The following ZBTB40 variants were observed in gnomAD, a reference collection of about 807,000 sequenced individuals.
The protein encoded by ZBTB40 is zinc finger and BTB domain-containing protein 40.
ZBTB40 carries 60 observed loss-of-function variants against 117.5 expected under a neutral mutation model. That is an observed-to-expected ratio of 0.51 (90% confidence interval 0.41 to 0.63). The LOEUF is 0.63. ZBTB40 is among the 30% of genes least tolerant of loss of function. The pLI, the probability that ZBTB40 is intolerant of heterozygous loss-of-function variation, is 0.00. For synonymous variants in ZBTB40, 525 were observed against 577.1 expected (o/e 0.91, Z 1.29); for missense variants, 1,287 against 1,498.5 (o/e 0.86, Z 2.33).
intron 3 of ZBTB40, among the ~76,000 whole-genome samples, chr1:22,498,205 G>T (rs12047570): frequency 0.34 from 51,096 of 152,036 alleles, 9,902 homozygotes; most frequent in African/African-American, 0.5. Context: ...CTTTACCCCT[G>T]AGAATTAAGA....
In ZBTB40 at chr1:22,513,247, G is replaced by C; in HGVS notation, c.2668+117G>C. The C allele has an allele frequency of 9.1e-7, 1 of 1,094,768 alleles. No homozygotes were observed. Among genetic ancestry groups the C allele is most frequent in the Non-Finnish European group, 1.3e-6 (1 of 743,804 alleles). The allele number at this position is 1,094,768 out of a possible 1,614,324, so 67.8% of individuals were successfully genotyped here. On this transcript the variant is annotated intron_variant, in intron 12 of 17. Coordinates refer to ENST00000375647, the MANE Select transcript of ZBTB40 (RefSeq NM_014870.4). The surrounding 1 kb of genome is among the most constrained non-coding windows in gnomAD (Gnocchi z 4.9). ...CAAAACAATTTGATAGCACAACAGG[G>C]TGACTAAAGTCAATAATAACTTAAT...
At chr1:22,524,971 G>T (rs915834461) in intron 17 of ZBTB40, among the ~76,000 whole-genome samples, 1 of 152,214 alleles carries the variant, frequency 6.6e-6, no homozygotes, top group Admixed American at 6.5e-5. Context: ...TCTCCAGAGA[G>T]GGTGGGCAGA....
Position 22,526,439 on chromosome 1 carries a change from G to A in ZBTB40, c.*43G>A, listed in dbSNP as rs772401734. 2 of 1,611,502 alleles carry A rather than the reference G, an allele frequency of 1.2e-6. No individual in the cohort carries two copies. Among genetic ancestry groups the A allele is most frequent in the Admixed American group, 3.3e-5 (2 of 60,024 alleles). ...AGAGCCTTCCTGCGTTTGCAGCAGA[G>A]AGGAGGCCCCACAGCTTGCCCTTTG... On this transcript the variant is annotated 3_prime_UTR_variant, in exon 18 of 18. Transcript: ENST00000375647.
In ZBTB40 at chr1:22,520,142, T is replaced by C; in HGVS notation, c.2915T>C (p.Val972Ala). 1 of 1,614,170 alleles carries C rather than the reference T, an allele frequency of 6.2e-7. No individual in the cohort carries two copies. Among genetic ancestry groups the C allele is most frequent in the Non-Finnish European group, 8.5e-7 (1 of 1,180,018 alleles). ...LQDHRKHIHEVHSKEYHPCPT... is the reference protein window; with the variant it reads ...LQDHRKHIHEAHSKEYHPCPT... ...GATCACCGGAAGCACATCCATGAGGTGCACTCCAAAGAGTACCACCCCTGC... is the reference window on the plus strand; with the variant it reads ...GATCACCGGAAGCACATCCATGAGGCGCACTCCAAAGAGTACCACCCCTGC... Residue 972 changes from valine to alanine, a missense_variant, in exon 14 of 18, where the codon GTG (valine) becomes GCG (alanine). Physicochemically the swap from Val to Ala is moderately conservative, Grantham distance 64 (BLOSUM62 0). This residue lies in a region of ZBTB40 where 417 missense variants were observed against 564.1 expected (regional missense o/e 0.74). Coordinates refer to ENST00000375647, the MANE Select transcript of ZBTB40 (RefSeq NM_014870.4).
At chr1:22,521,735 A>C in intron 15 of ZBTB40, 77 bp downstream of exon 15, 1 of 1,590,912 alleles carries the variant, frequency 6.3e-7, no homozygotes, top group Non-Finnish European at 8.6e-7. Flanking sequence ...AGAAATCCCC[A>C]CTTCTAATAG....
intron 1 of ZBTB40, among the ~76,000 whole-genome samples, chr1:22,464,773 T>G (rs989406691): frequency 2.0e-5 from 3 of 152,252 alleles, no homozygotes; most frequent in Non-Finnish European, 2.9e-5. Flanking sequence ...ATTGGAATTA[T>G]ACACGTATTC....
intron 8 of ZBTB40, 59 bp from the exon 9 acceptor site, chr1:22,509,041 G>T: frequency 6.2e-7 from 1 of 1,613,526 alleles, no homozygotes. Flanking sequence ...GAGGAAGGGT[G>T]TAGGAAAAAA....
At chr1:22,460,876 C>G (rs144753569) in intron 1 of ZBTB40, among the ~76,000 whole-genome samples, 3 of 152,292 alleles carry the variant, frequency 2.0e-5, no homozygotes, top group African/African-American at 7.2e-5. Context: ...AATTCACACC[C>G]AGATACTTCC....
rs1639719112 is a variant in ZBTB40 at position 22,527,701 on chromosome 1, G to T, written c.*1305G>T. ...TGGATCCCACACTGGCAGAGATGGGGCCACCCCTTCCTTCCAGGCACATCT... is the reference window on the plus strand; with the variant it reads ...TGGATCCCACACTGGCAGAGATGGGTCCACCCCTTCCTTCCAGGCACATCT... On this transcript the variant is annotated 3_prime_UTR_variant, in exon 18 of 18. Coordinates refer to ENST00000375647, the MANE Select transcript of ZBTB40 (RefSeq NM_014870.4). 1.3e-5 allele frequency: 2 copies of T among 152,522 alleles called. No individual in the cohort carries two copies. The highest frequency in any genetic ancestry group is 3.8e-4 in the East Asian group (2 of 5,294). 9.4% of individuals were successfully genotyped at this position (152,522 alleles called of 1,614,324 possible).
intron 1 of ZBTB40, among the ~76,000 whole-genome samples, chr1:22,458,081 C>T (rs1361374093): frequency 6.6e-6 from 1 of 152,216 alleles, no homozygotes; most frequent in Non-Finnish European, 1.5e-5. Flanking sequence ...AGTTAGGCTA[C>T]AGGACTGTTG....
At chr1:22,450,082 T>C (rs777544738), upstream of ZBTB40, among the ~76,000 whole-genome samples, 1 of 152,134 alleles carries the variant, frequency 6.6e-6, no homozygotes, top group Non-Finnish European at 1.5e-5. Flanking sequence ...TAACTGGGAT[T>C]ACAGGCACCT....
In ZBTB40 at chr1:22,521,550, G is replaced by A. The variant is rs1557525396; in HGVS notation, c.3103G>A (p.Ala1035Thr). The change falls in exon 15 of 18, where the codon GCT (alanine) becomes ACT (threonine). Residue 1035 changes from alanine (A) to threonine (T), a missense_variant. By Grantham distance (58) the Ala-to-Thr change is moderately conservative. This residue lies in a region of ZBTB40 where 417 missense variants were observed against 564.1 expected (regional missense o/e 0.74). Coordinates refer to ENST00000375647, the MANE Select transcript of ZBTB40 (RefSeq NM_014870.4). ...AACCCACCACCCTGACGTATTTGCT[G>A]CTCAGAACCACCGATCTTCCAAGTT... ...NRTHHPDVFA[A>T]QNHRSSKFSS... 1 of 1,614,170 alleles carries A rather than the reference G, an allele frequency of 6.2e-7. No individual in the cohort carries two copies. Among genetic ancestry groups the A allele is most frequent in the Non-Finnish European group, 8.5e-7 (1 of 1,180,036 alleles).
At chr1:22,472,878 G>A (rs1641445051) in intron 1 of ZBTB40, among the ~76,000 whole-genome samples, 1 of 152,166 alleles carries the variant, frequency 6.6e-6, no homozygotes, top group South Asian at 2.1e-4. Flanking sequence ...ATAGGCTGCT[G>A]GAATGCATTC....
chr1:22,513,050 C>T lies in ZBTB40; in HGVS notation c.2588C>T (p.Pro863Leu), dbSNP rs776218388. ...CTTCGCCTTCACACCGGGGACCGCC[C>T]GTTCATGTGCAAGCACTGCCTCATG... is the stretch of plus-strand genomic sequence containing the variant. ...NHLRLHTGDR[P>L]FMCKHCLMTF... is the part of the protein sequence containing the mutation. Residue 863 changes from proline (P) to leucine (L), a missense_variant, in exon 12 of 18, where the codon CCG (proline) becomes CTG (leucine). Coordinates refer to ENST00000375647, the MANE Select transcript of ZBTB40 (RefSeq NM_014870.4). The surrounding 1 kb of genome is among the most constrained non-coding windows in gnomAD (Gnocchi z 4.9). The T allele has an allele frequency of 2.5e-6, 4 of 1,614,182 alleles. No homozygotes were observed. Among genetic ancestry groups the T allele is most frequent in the South Asian group, 2.2e-5 (2 of 91,074 alleles).
chr1:22,486,455 C>T (rs558181554), intron 1 of ZBTB40, among the ~76,000 whole-genome samples: 26 of 152,310 alleles, frequency 1.7e-4, no homozygotes, highest in Admixed American at 1.4e-3. Context: ...AAACAGAGTG[C>T]TCTGGCAGAT....
chr1:22,486,464 A>G (rs926379109), intron 1 of ZBTB40, among the ~76,000 whole-genome samples: 1 of 152,216 alleles, frequency 6.6e-6, no homozygotes. Flanking sequence ...GCTCTGGCAG[A>G]TTTCAAAATG....
At chr1:22,470,786 C>T (rs1053080415) in intron 1 of ZBTB40, among the ~76,000 whole-genome samples, 3 of 152,322 alleles carry the variant, frequency 2.0e-5, no homozygotes, top group East Asian at 3.9e-4. Flanking sequence ...GTGCCCGTGC[C>T]GTGTAGTTGG....
chr1:22,507,053 A>C (rs2124451210), intron 6 of ZBTB40, among the ~76,000 whole-genome samples: 1 of 152,280 alleles, frequency 6.6e-6, no homozygotes, highest in Non-Finnish European at 1.5e-5. Flanking sequence ...TTTCCATCAT[A>C]AGGATGTATA....
At chr1:22,456,902 C>G (rs1042694095) in intron 1 of ZBTB40, among the ~76,000 whole-genome samples, 2 of 152,304 alleles carry the variant, frequency 1.3e-5, no homozygotes, top group East Asian at 3.9e-4. Flanking sequence ...AGTGGAAGCT[C>G]ACTGCTTTGT....
Sources: gnomAD v4.1 joint callset for allele counts (sites outside exome capture counted in the v4.1 genomes callset) on GRCh38, gnomAD v4.1.1 for gene constraint, gnomAD v4.1.1 regional missense constraint, Gnocchi (gnomAD v3.1) non-coding constraint, MANE v1.5 for transcripts, NCBI Gene and HGNC (gene_info 2026-07-23, HGNC 2026-07-21) for gene names.